UBA5: variants seen among roughly 807,000 people sequenced by gnomAD.
UBA5 encodes ubiquitin-like modifier-activating enzyme 5.
Under a neutral mutation model 52.9 loss-of-function variants are expected in UBA5, and 28 were observed. The ratio of observed to expected loss-of-function variants is 0.53; its 90% CI spans 0.39 to 0.73. The LOEUF (loss-of-function observed/expected upper bound fraction) is 0.73, where lower values mean the gene tolerates loss of function less well. UBA5 is among the 30% of genes least tolerant of loss of function. The pLI, the probability that UBA5 is intolerant of heterozygous loss-of-function variation, is 0.00. For synonymous variants in UBA5, 135 were observed against 162.1 expected, an observed-to-expected ratio of 0.83 and a Z score of 1.27; for missense variants, 388 against 492.7, an observed-to-expected ratio of 0.79 and a Z score of 2.01.
chr3:132,662,263 T>C (rs751584386), intron 1 of UBA5, among the ~76,000 whole-genome samples: 5 of 152,254 alleles, frequency 3.3e-5, no homozygotes, highest in Non-Finnish European at 7.3e-5. Context: ...GGAATTTTAA[T>C]AAAGTTCAGC....
upstream of UBA5, among the ~76,000 whole-genome samples, chr3:132,656,583 T>G (rs1254874571): frequency 6.6e-6 from 1 of 151,650 alleles, no homozygotes; most frequent in Non-Finnish European, 1.5e-5. Context: ...AGCCTCTGCC[T>G]CCCAGGTTCA....
At position 132,676,058 on chromosome 3, in the gene UBA5, A is replaced by G. The variant is rs756448688; in HGVS notation, c.1131+135A>G. On this transcript the variant is annotated intron_variant, in intron 11 of 11. Transcript: ENST00000356232. This position sits in a 1 kb window ranked among gnomAD's most constrained non-coding sequence, Gnocchi z 4.1. ...CTATAGGCATTAAGATGTGAGAGAG[A>G]GGTATGCAGTGTTAATATGCAAATA... 50 of 640,366 alleles carry G rather than the reference A, an allele frequency of 7.8e-5. No individual in the cohort carries two copies. Among genetic ancestry groups the G allele is most frequent in the South Asian group, 7.8e-4 (33 of 42,536 alleles). 39.7% of individuals were successfully genotyped at this position (640,366 alleles called of 1,614,324 possible). A position where few individuals can be genotyped will look rare whatever the true frequency, so the allele number is the denominator to read the frequency against.
chr3:132,670,350 A>T, intron 5 of UBA5, 66 bp downstream of exon 5: 1 of 692,434 alleles, frequency 1.4e-6, no homozygotes. Context: ...TTATTAGAAA[A>T]ATCTATGGAT....
At chr3:132,666,980 C>T (rs926567907) in intron 3 of UBA5, among the ~76,000 whole-genome samples, 1 of 152,106 alleles carries the variant, frequency 6.6e-6, no homozygotes, top group African/African-American at 2.4e-5. Flanking sequence ...TATTAAAGCA[C>T]AGATTAACAG....
At chr3:132,659,742 C>T, upstream of UBA5, 1 of 1,602,086 alleles carries the variant, frequency 6.2e-7, no homozygotes, top group Non-Finnish European at 8.5e-7. Flanking sequence ...CCAGTAGCAC[C>T]TGGCTTCATG....
chr3:132,657,866 CTTTTTTTTTTT>C (rs56190801), upstream of UBA5, among the ~76,000 whole-genome samples: 3 of 119,166 alleles, frequency 2.5e-5, no homozygotes, highest in Non-Finnish European at 5.2e-5. Context: ...ACACATATTC[CTTTTTTTTTTT>C]TTTTTTTTTG....
At chr3:132,662,993 T>C (rs1428000854) in intron 1 of UBA5, among the ~76,000 whole-genome samples, 2 of 152,098 alleles carry the variant, frequency 1.3e-5, no homozygotes, top group Non-Finnish European at 2.9e-5. Flanking sequence ...AGTAAAGGAA[T>C]TTTTTAAAAG....
intron 1 of UBA5, among the ~76,000 whole-genome samples, chr3:132,663,415 AG>A (rs899041967): frequency 1.7e-4 from 26 of 152,310 alleles, no homozygotes; most frequent in African/African-American, 6.3e-4. Flanking sequence ...ACCTGAAGGA[AG>A]GGGTAAACTG....
At chr3:132,665,173 C>A (rs1459345835) in intron 1 of UBA5, among the ~76,000 whole-genome samples, 2 of 151,896 alleles carry the variant, frequency 1.3e-5, no homozygotes, top group Non-Finnish European at 2.9e-5. Context: ...AAAGAAATAA[C>A]AATGTTAGCA....
intron 8 of UBA5, among the ~76,000 whole-genome samples, chr3:132,674,517 A>C (rs1256366953): frequency 6.6e-6 from 1 of 152,024 alleles, no homozygotes; most frequent in Non-Finnish European, 1.5e-5. Flanking sequence ...GCAAAGCCCC[A>C]TCTTTACAAA....
chr3:132,673,834 T>G, intron 8 of UBA5, among the ~76,000 whole-genome samples: 1 of 151,932 alleles, frequency 6.6e-6, no homozygotes, highest in East Asian at 1.9e-4. Context: ...CCAGCTAATG[T>G]TTTTGTATTT....
chr3:132,674,333 T>C (rs1161071481), intron 8 of UBA5, among the ~76,000 whole-genome samples: 1 of 152,216 alleles, frequency 6.6e-6, no homozygotes, highest in Admixed American at 6.5e-5. Flanking sequence ...GCAAAGGTAA[T>C]TGTGGATTTT....
chr3:132,673,103 G>T (rs948927105), intron 8 of UBA5, among the ~76,000 whole-genome samples: 13 of 152,080 alleles, frequency 8.5e-5, no homozygotes, highest in African/African-American at 3.1e-4. Context: ...ATGGTCTAGG[G>T]CTATTTCATA....
At position 132,677,095 on chromosome 3, in the gene UBA5, TGAAATGTAGTTATTG is replaced by T. The variant is rs1269813837; in HGVS notation, c.*574_*588del. Reference sequence around the variant, plus strand: ...AAATGTTTGCTGATGAAGTACAAGTTGAAATGTAGTTATTGGAAAAGTCTGTAACCTGTGGATCAT... The same window carrying T: ...AAATGTTTGCTGATGAAGTACAAGTTGAAAAGTCTGTAACCTGTGGATCAT... On this transcript the variant is annotated 3_prime_UTR_variant, in exon 12 of 12. Coordinates refer to ENST00000356232, the MANE Select transcript of UBA5 (RefSeq NM_024818.6). 3.8e-6 allele frequency: 1 copy of T among 262,202 alleles called. No individual in the cohort carries two copies. The highest frequency in any genetic ancestry group is 8.3e-5 in the East Asian group (1 of 12,054). The allele number at this position is 262,202 out of a possible 1,614,324, so 16.2% of individuals were successfully genotyped here. A position where few individuals can be genotyped will look rare whatever the true frequency, so the allele number is the denominator to read the frequency against.
At position 132,679,342 on chromosome 3, in the gene UBA5, G is replaced by C. The variant is rs1938960107; in HGVS notation, c.*2816G>C. ...AACAATTCAGATTTATAATTGAGTT[G>C]TCTGAAAGCTACCTTTTTCATTGTG... is the stretch of plus-strand genomic sequence containing the variant. On this transcript the variant is annotated 3_prime_UTR_variant, in exon 12 of 12. Coordinates refer to ENST00000356232, the MANE Select transcript of UBA5 (RefSeq NM_024818.6). Among the ~76,000 whole-genome samples the C allele has an allele frequency of 6.6e-6, 1 of 152,132 alleles. No individual in the cohort carries two copies. Among genetic ancestry groups the C allele is most frequent in the African/African-American group, 2.4e-5 (1 of 41,430 alleles).
At chr3:132,673,565 C>G (rs1441787992) in intron 8 of UBA5, among the ~76,000 whole-genome samples, 1 of 152,022 alleles carries the variant, frequency 6.6e-6, no homozygotes, top group African/African-American at 2.4e-5. Context: ...TCAGGCTGTT[C>G]TTGAACTCCT....
intron 3 of UBA5, chr3:132,668,156 TTAGTGTGTG>T (rs1280092594): frequency 6.4e-5 from 7 of 108,730 alleles, no homozygotes; most frequent in Non-Finnish European, 1.4e-4. Flanking sequence ...AATGGCCATT[TTAGTGTGTG>T]TGTGTGTGTG....
At chr3:132,674,524 C>CA (rs970356477) in intron 8 of UBA5, among the ~76,000 whole-genome samples, 31 of 148,180 alleles carry the variant, frequency 2.1e-4, no homozygotes, top group South Asian at 6.4e-4. Flanking sequence ...CCCATCTTTA[C>CA]AAAAAAAAAA....
chr3:132,655,673 A>T (rs1231681134), upstream of UBA5, among the ~76,000 whole-genome samples: 1 of 152,180 alleles, frequency 6.6e-6, no homozygotes, highest in African/African-American at 2.4e-5. Flanking sequence ...TCCATGTTAC[A>T]TATCAACTTC....
Sources: gnomAD v4.1 joint callset for allele counts (sites outside exome capture counted in the v4.1 genomes callset) on GRCh38, gnomAD v4.1.1 for gene constraint, Gnocchi (gnomAD v3.1) non-coding constraint, MANE v1.5 for transcripts, NCBI Gene and HGNC (gene_info 2026-07-23, HGNC 2026-07-21) for gene names.